Variants in RBFOX1 observed in about 807,000 individuals in gnomAD.
RBFOX1 encodes the protein RNA binding fox-1 homolog 1.
RBFOX1 carries 8 observed loss-of-function variants against 57.7 expected under a neutral mutation model. That is an observed-to-expected ratio of 0.14 (90% CI 0.08 to 0.25). RBFOX1 has a LOEUF of 0.25. Ranked by LOEUF, RBFOX1 falls within the 10% of genes least tolerant of loss-of-function variation. RBFOX1 has a pLI of 1.00. For missense variants in RBFOX1, 611 were observed against 548.5 expected, an observed-to-expected ratio of 1.11 and a Z score of -1.14; for synonymous variants, 326 against 222.4, an observed-to-expected ratio of 1.47 and a Z score of -4.15.
chr16:7,392,530 A>G (rs2098050989), intron 4 of RBFOX1, among the ~76,000 whole-genome samples: 1 of 152,190 alleles, frequency 6.6e-6, no homozygotes, highest in African/African-American at 2.4e-5. Context: ...ATTTAGGGTC[A>G]AGGAAGAAAG....
intron 3 of RBFOX1, among the ~76,000 whole-genome samples, chr16:6,894,494 C>G (rs117591612): frequency 0.056 from 8,533 of 152,246 alleles, 339 homozygotes; most frequent in Non-Finnish European, 0.086. Flanking sequence ...GAATCTGTCT[C>G]ATGTTTCTGT....
intron 2 of RBFOX1, among the ~76,000 whole-genome samples, chr16:6,426,523 T>C (rs2093933297): frequency 6.6e-6 from 1 of 151,996 alleles, no homozygotes; most frequent in Non-Finnish European, 1.5e-5. Context: ...CCCAGCTACC[T>C]GGGAGGCCGA....
intron 1 of RBFOX1, among the ~76,000 whole-genome samples, chr16:5,357,658 C>T (rs918950731): frequency 1.3e-5 from 2 of 152,194 alleles, no homozygotes; most frequent in African/African-American, 2.4e-5. Context: ...GATCATGAAC[C>T]ACACCCCAGG....
intron 1 of RBFOX1, among the ~76,000 whole-genome samples, chr16:6,083,928 A>T (rs1597138979): frequency 1.3e-5 from 2 of 152,320 alleles, no homozygotes; most frequent in Admixed American, 6.5e-5. Context: ...GGTCAAGAAG[A>T]AGTCTCCCAA....
intron 1 of RBFOX1, among the ~76,000 whole-genome samples, chr16:6,045,539 A>C (rs1466983097): frequency 6.6e-6 from 1 of 152,202 alleles, no homozygotes; most frequent in Admixed American, 6.5e-5. Flanking sequence ...TCATTCATTC[A>C]TTCAGTGAAT....
chr16:5,638,786 G>C (rs1471839133), intron 3 of RBFOX1, among the ~76,000 whole-genome samples: 1 of 152,156 alleles, frequency 6.6e-6, no homozygotes, highest in Non-Finnish European at 1.5e-5. Flanking sequence ...ATCTGAGGAA[G>C]GGAAAAGAGC....
Position 7,333,321 on chromosome 16 carries a change from G to A in RBFOX1, c.28-184826G>A, listed in dbSNP as rs145832818. ...TATATTTGCTTGTATTGATCTGACTGCTATTTAACATTCATGTCTTAGCTT... is the reference window on the plus strand; with the variant it reads ...TATATTTGCTTGTATTGATCTGACTACTATTTAACATTCATGTCTTAGCTT... On this transcript the variant is annotated intron_variant, in intron 4 of 15. Coordinates refer to ENST00000550418, the MANE Select transcript of RBFOX1 (RefSeq NM_018723.4). 2.5e-4 allele frequency among the ~76,000 whole-genome samples: 38 copies of A among 152,294 alleles called. No homozygotes were observed. The Middle Eastern group carries it at 0.017, about 68-fold the overall frequency.
intron 4 of RBFOX1, among the ~76,000 whole-genome samples, chr16:5,994,159 G>A (rs546775339): frequency 2.0e-5 from 3 of 152,138 alleles, no homozygotes; most frequent in East Asian, 3.9e-4. Context: ...CCAATTCATT[G>A]GGTTTTTTGT....
intron 2 of RBFOX1, among the ~76,000 whole-genome samples, chr16:6,516,099 G>C (rs1470654753): frequency 6.6e-6 from 1 of 152,032 alleles, no homozygotes; most frequent in Non-Finnish European, 1.5e-5. Context: ...TAGAATCTTG[G>C]CTCACTGTAA....
chr16:6,791,037 A>T (rs1016780294), intron 3 of RBFOX1, among the ~76,000 whole-genome samples: 30 of 151,852 alleles, frequency 2.0e-4, no homozygotes, highest in African/African-American at 7.3e-4. Flanking sequence ...TTCTGAGCAG[A>T]TGGGACCACA....
In RBFOX1 at chr16:6,936,234, T is replaced by G. The variant is rs532947411; in HGVS notation, c.-15-115823T>G. ...TTTTGAATATTAAATTAGAATAAAT[T>G]AAGGGATGCTGGATATTAAGCCTAA... On this transcript the variant is annotated intron_variant, in intron 3 of 15. Coordinates refer to ENST00000550418, the MANE Select transcript of RBFOX1 (RefSeq NM_018723.4). Among the ~76,000 whole-genome samples, 27 of 152,302 alleles carry G rather than the reference T, an allele frequency of 1.8e-4. 1 individual carries two copies. The highest frequency in any genetic ancestry group is 5.8e-4 in the African/African-American group (24 of 41,562).
At chr16:5,359,033 T>C (rs1164266330) in intron 1 of RBFOX1, among the ~76,000 whole-genome samples, 1 of 152,204 alleles carries the variant, frequency 6.6e-6, no homozygotes, top group African/African-American at 2.4e-5. Context: ...TTTTGATGTT[T>C]ATATCCCAGA....
Position 7,145,183 on chromosome 16 carries a change from C to T in RBFOX1, c.27+93085C>T, listed in dbSNP as rs58579173. On this transcript the variant is annotated intron_variant, in intron 4 of 15. Transcript: ENST00000550418. ...CCCAATCATTTCTTTACCCCCTACC[C>T]TTTTTTGTTTCGTTTTGTTTTGTTT... Among the ~76,000 whole-genome samples the T allele has an allele frequency of 7.7e-3, 1,178 of 152,052 alleles. 19 individuals are homozygous for T. Among genetic ancestry groups the T allele is most frequent in the African/African-American group, 0.027 (1,114 of 41,486 alleles).
chr16:7,504,787 T>TTATATATATATATATATATATTTA (rs1230576283), intron 4 of RBFOX1, among the ~76,000 whole-genome samples: 1 of 9,370 alleles, frequency 1.1e-4, no homozygotes, highest in African/African-American at 3.7e-4. Context: ...ATATATATAT[T>TTATATATATATATATATATATTTA]TATATATATA....
rs187518444 is a variant in RBFOX1, at chr16:6,993,623, C to T, written c.-15-58434C>T. On this transcript the variant is annotated intron_variant, in intron 3 of 15. Transcript: ENST00000550418. The stretch of plus-strand genomic sequence containing the variant: ...GACTTGAGTTTAATTGTTAAAATTC[C>T]ACTCAGCCGGGCCACTTCTTCACTG... Among the ~76,000 whole-genome samples, 279 of 152,232 alleles carry T rather than the reference C, an allele frequency of 1.8e-3. 1 individual carries two copies. The highest frequency in any genetic ancestry group is 3.4e-3 in the Non-Finnish European group (232 of 68,010).
intron 2 of RBFOX1, among the ~76,000 whole-genome samples, chr16:6,634,125 C>G (rs1254506518): frequency 6.6e-6 from 1 of 152,110 alleles, no homozygotes; most frequent in Non-Finnish European, 1.5e-5. Context: ...TATCTATATT[C>G]TACTATACCA....
intron 1 of RBFOX1, among the ~76,000 whole-genome samples, chr16:5,294,190 C>T (rs968435493): frequency 6.6e-6 from 1 of 152,146 alleles, no homozygotes; most frequent in Non-Finnish European, 1.5e-5. Flanking sequence ...GATCACACCA[C>T]TGCACTCCAG....
At chr16:6,221,810 T>G (rs2097375157) in intron 1 of RBFOX1, among the ~76,000 whole-genome samples, 1 of 152,166 alleles carries the variant, frequency 6.6e-6, no homozygotes, top group Non-Finnish European at 1.5e-5. Flanking sequence ...ACTTAGTAAC[T>G]ACCACAAGAA....
intron 2 of RBFOX1, among the ~76,000 whole-genome samples, chr16:6,650,290 T>C (rs1404128354): frequency 8.1e-6 from 1 of 122,970 alleles, no homozygotes; most frequent in African/African-American, 2.6e-5. Flanking sequence ...ATTTATTTTT[T>C]TCTTTTTTTG....
Sources: allele counts gnomAD v4.1 joint callset (sites outside exome capture counted in the v4.1 genomes callset), GRCh38; gene constraint gnomAD v4.1.1; transcripts MANE v1.5; gene names NCBI Gene and HGNC (gene_info 2026-07-23, HGNC 2026-07-21).